TRIM8: variants seen among roughly 807,000 people sequenced by gnomAD.
TRIM8 encodes E3 ubiquitin-protein ligase TRIM8.
In TRIM8, 9 loss-of-function variants were observed where a neutral mutation model predicts 55.7. That is an observed-to-expected ratio of 0.16 (90% CI 0.10 to 0.28). The LOEUF is 0.28. Ranked by LOEUF, TRIM8 falls within the 10% of genes least tolerant of loss-of-function variation. The pLI, the probability that TRIM8 is intolerant of heterozygous loss-of-function variation, is 1.00. For missense variants in TRIM8, 556 were observed against 736.4 expected (o/e 0.76, Z 2.83); for synonymous variants, 335 against 333.3 (o/e 1.01, Z -0.06).
chr10:102,655,912 C>T (rs997144108), intron 3 of TRIM8, among the ~76,000 whole-genome samples, 194 bp from the exon 4 acceptor site: 3 of 152,214 alleles, frequency 2.0e-5, no homozygotes, highest in Non-Finnish European at 4.4e-5. Flanking sequence ...GCCTGGGTCA[C>T]GTGGCAAGAG....
At chr10:102,654,496 G>A in intron 1 of TRIM8, 157 bp from the exon 2 acceptor site, 1 of 674,830 alleles carries the variant, frequency 1.5e-6, no homozygotes, top group Non-Finnish European at 2.7e-6. Context: ...GCTGGGAATA[G>A]GCCCCTGGGA....
Position 102,656,019 on chromosome 10 carries a change from A to G in TRIM8, c.901-87A>G, listed in dbSNP as rs1283993236. 1.9e-6 allele frequency: 3 copies of G among 1,596,974 alleles called. No homozygotes were observed. Among genetic ancestry groups the G allele is most frequent in the South Asian group, 2.2e-5 (2 of 90,454 alleles). On this transcript the variant is annotated intron_variant, in intron 3 of 5. Transcript: ENST00000643721. The surrounding 1 kb of genome is among the most constrained non-coding windows in gnomAD (Gnocchi z 4.6). ...GATCCACCCAGCCTGGGGGAGGCTC[A>G]GGGGGGGCAGCTTTTGTCTTCCCCT... is the stretch of plus-strand genomic sequence containing the variant.
At chr10:102,650,218 C>G (rs1283187376) in intron 1 of TRIM8, among the ~76,000 whole-genome samples, 1 of 152,126 alleles carries the variant, frequency 6.6e-6, no homozygotes, top group Non-Finnish European at 1.5e-5. Flanking sequence ...ACCCGTCTGC[C>G]CAGTCTAGTC....
Position 102,645,145 on chromosome 10 carries a change from A to T in TRIM8, c.528A>T (p.Gly176=), listed in dbSNP as rs2063922984. The T allele has an allele frequency of 6.4e-6, 10 of 1,572,168 alleles. No homozygotes were observed. Among genetic ancestry groups the T allele is most frequent in the Admixed American group, 1.8e-5 (1 of 54,994 alleles). The change falls in exon 1 of 6, where the codon GGA becomes GGT. Residue 176 remains glycine (G), a synonymous_variant. Transcript: ENST00000643721. ...YCCYYSGAHQ[G]HSVCDVEIRR... is the part of the protein sequence containing the mutation. ...GCTACTACAGCGGCGCGCATCAGGGACACTCGGTGTGCGACGTGGAGATCC... is the reference window on the plus strand; with the variant it reads ...GCTACTACAGCGGCGCGCATCAGGGTCACTCGGTGTGCGACGTGGAGATCC...
Position 102,656,333 on chromosome 10 carries a change from C to A in TRIM8, c.996C>A (p.Leu332=). The A allele has an allele frequency of 6.2e-7, 1 of 1,614,116 alleles. No individual in the cohort carries two copies. The highest frequency in any genetic ancestry group is 8.5e-7 in the Non-Finnish European group (1 of 1,179,976). ...AGATCGGCCACCTGAACTCCAAGCTCTTCCTGAACGAAGTGGCCAAGAAGG... is the reference window on the plus strand; with the variant it reads ...AGATCGGCCACCTGAACTCCAAGCTATTCCTGAACGAAGTGGCCAAGAAGG... ...PTKIGHLNSK[L]FLNEVAKKEK... is the part of the protein sequence containing the mutation. The change falls in exon 5 of 6, where the codon CTC becomes CTA. Residue 332 remains leucine (L), a synonymous_variant. Coordinates refer to ENST00000643721, the MANE Select transcript of TRIM8 (RefSeq NM_030912.3). The surrounding 1 kb of genome is among the most constrained non-coding windows in gnomAD (Gnocchi z 4.6).
Position 102,645,079 on chromosome 10 carries a change from C to T in TRIM8, c.462C>T (p.Tyr154=), listed in dbSNP as rs900464890. ...CGCAGCACAACGCCTACCGCCTCTACCACTGCGAGGCCGAGCAGGTGGCCG... is the reference window on the plus strand; with the variant it reads ...CGCAGCACAACGCCTACCGCCTCTATCACTGCGAGGCCGAGCAGGTGGCCG... ...SCPQHNAYRL[Y]HCEAEQVAVC... The change falls in exon 1 of 6, where the codon TAC becomes TAT. Residue 154 remains tyrosine, a synonymous_variant. Transcript: ENST00000643721. The T allele has an allele frequency of 1.9e-6, 3 of 1,594,954 alleles. No homozygotes were observed. The highest frequency in any genetic ancestry group is 2.5e-6 in the Non-Finnish European group (3 of 1,178,292).
chr10:102,656,512 A>G lies in TRIM8; in HGVS notation c.1048+127A>G. 1.4e-6 allele frequency: 2 copies of G among 1,435,018 alleles called. No individual in the cohort carries two copies. Among genetic ancestry groups the G allele is most frequent in the Admixed American group, 2.4e-5 (1 of 41,368 alleles). 88.9% of individuals were successfully genotyped at this position (1,435,018 alleles called of 1,614,324 possible). A position where few individuals can be genotyped will look rare whatever the true frequency, so the allele number is the denominator to read the frequency against. On this transcript the variant is annotated intron_variant, in intron 5 of 5. Transcript: ENST00000643721. This position sits in a 1 kb window ranked among gnomAD's most constrained non-coding sequence, Gnocchi z 4.6. ...CCTGTCCTCATATCCAGGCTTTGCC[A>G]CTTGTAGCTGTGGGACAGTGGGTAA...
Position 102,657,440 on chromosome 10 carries a change from C to CCTTCCTCGCCTCCCCT in TRIM8, c.*94_*109dup. 4.2e-6 allele frequency: 6 copies of CCTTCCTCGCCTCCCCT among 1,438,368 alleles called. No homozygotes were observed. The South Asian group carries it at 8.5e-5, about 20-fold the overall frequency. The allele number at this position is 1,438,368 out of a possible 1,614,324, so 89.1% of individuals were successfully genotyped here. On this transcript the variant is annotated 3_prime_UTR_variant, in exon 6 of 6. Transcript: ENST00000643721. Reference sequence around the variant, plus strand: ...ATGCATCCAGAGACCTGCCCTTCTACCTTCCTCGCCTCCCCTCTTCCTCAT... The same window carrying CCTTCCTCGCCTCCCCT: ...ATGCATCCAGAGACCTGCCCTTCTACCTTCCTCGCCTCCCCTCTTCCTCGCCTCCCCTCTTCCTCAT...
At chr10:102,650,063 G>A (rs2063971820) in intron 1 of TRIM8, among the ~76,000 whole-genome samples, 1 of 148,680 alleles carries the variant, frequency 6.7e-6, no homozygotes, top group African/African-American at 2.5e-5. Flanking sequence ...AGCTAGCCAT[G>A]GTCTTGTCTG....
intron 1 of TRIM8, among the ~76,000 whole-genome samples, chr10:102,648,886 G>A (rs558532300): frequency 1.3e-5 from 2 of 152,186 alleles, no homozygotes; most frequent in Non-Finnish European, 2.9e-5. Flanking sequence ...TTTCTCCGTT[G>A]CCCGTGAAAG....
At chr10:102,655,461 C>T (rs1346758546) in intron 3 of TRIM8, 148 bp downstream of exon 3, 7 of 781,524 alleles carry the variant, frequency 9.0e-6, no homozygotes, top group Non-Finnish European at 1.5e-5. Context: ...CTTTCTAGCA[C>T]TGTGACCTTG....
In TRIM8 at chr10:102,657,013, C is replaced by G. The variant is rs765589935; in HGVS notation, c.1315C>G (p.Pro439Ala). Residue 439 changes from proline (P) to alanine (A), a missense_variant, in exon 6 of 6, where the codon CCC becomes GCC. Pro to Ala is a conservative substitution (Grantham distance 27). Coordinates refer to ENST00000643721, the MANE Select transcript of TRIM8 (RefSeq NM_030912.3). ...CGGCGCCCAACCAGTGCACTCAAGCCCCGTGTTCCCCCCATCGCAGTATCC... is the reference window on the plus strand; with the variant it reads ...CGGCGCCCAACCAGTGCACTCAAGCGCCGTGTTCCCCCCATCGCAGTATCC... ...PGGAQPVHSS[P>A]VFPPSQYPNG... is the part of the protein sequence containing the mutation. 5.0e-6 allele frequency: 8 copies of G among 1,612,630 alleles called. No homozygotes were observed. Among genetic ancestry groups the G allele is most frequent in the African/African-American group, 1.3e-5 (1 of 74,918 alleles).
Position 102,656,781 on chromosome 10 carries a change from T to C in TRIM8, c.1083T>C (p.Ser361=), listed in dbSNP as rs751033480. The change falls in exon 6 of 6, where the codon AGT becomes AGC. Residue 361 remains serine (S), a synonymous_variant. Coordinates refer to ENST00000643721, the MANE Select transcript of TRIM8 (RefSeq NM_030912.3). The surrounding 1 kb of genome is among the most constrained non-coding windows in gnomAD (Gnocchi z 4.6). ...GCACGCCGGTGCCCTTCCTGCAGAG[T>C]GTCCCCCTGTACCCTTGCGGCGTGA... The part of the protein sequence containing the change: ...PFSTPVPFLQ[S]VPLYPCGVSS... The C allele has an allele frequency of 2.0e-6, 3 of 1,513,676 alleles. No individual in the cohort carries two copies. The highest frequency in any genetic ancestry group is 2.7e-6 in the Non-Finnish European group (3 of 1,131,860). 93.8% of individuals were successfully genotyped at this position (1,513,676 alleles called of 1,614,324 possible).
intron 1 of TRIM8, among the ~76,000 whole-genome samples, chr10:102,649,848 G>A (rs2063966062): frequency 6.6e-6 from 1 of 152,200 alleles, no homozygotes; most frequent in Non-Finnish European, 1.5e-5. Flanking sequence ...AAGCTTTTCT[G>A]AGGAAAGGGG....
At chr10:102,651,135 G>A (rs1300230927) in intron 1 of TRIM8, among the ~76,000 whole-genome samples, 1 of 152,196 alleles carries the variant, frequency 6.6e-6, no homozygotes, top group African/African-American at 2.4e-5. Flanking sequence ...AACCCCTGCA[G>A]CAGAGACAGG....
Position 102,656,218 on chromosome 10 carries a change from G to C in TRIM8, c.933-52G>C. The C allele has an allele frequency of 6.2e-7, 1 of 1,614,060 alleles. No individual in the cohort carries two copies. The highest frequency in any genetic ancestry group is 8.5e-7 in the Non-Finnish European group (1 of 1,179,984). On this transcript the variant is annotated intron_variant, in intron 4 of 5. Transcript: ENST00000643721. This position sits in a 1 kb window ranked among gnomAD's most constrained non-coding sequence, Gnocchi z 4.6. Reference sequence around the variant, plus strand: ...CAGGCCCATGGCGGGGAGGTAGGGCGGGCTCACCGGTGATGCCTCCTCACA... The same window carrying C: ...CAGGCCCATGGCGGGGAGGTAGGGCCGGCTCACCGGTGATGCCTCCTCACA...
chr10:102,649,061 T>A (rs1425178276), intron 1 of TRIM8, among the ~76,000 whole-genome samples: 1 of 150,914 alleles, frequency 6.6e-6, no homozygotes, highest in East Asian at 2.0e-4. Context: ...TGTGCGTGCA[T>A]GTGTAGCCAG....
At chr10:102,653,042 G>A (rs11812273) in intron 1 of TRIM8, among the ~76,000 whole-genome samples, 8 of 152,140 alleles carry the variant, frequency 5.3e-5, no homozygotes, top group African/African-American at 1.4e-4. Context: ...CAGGTGATCC[G>A]CCTGCCTCGG....
chr10:102,645,449 G>T (rs1047881810), intron 1 of TRIM8: 2 of 391,562 alleles, frequency 5.1e-6, no homozygotes, highest in African/African-American at 4.2e-5. Context: ...GGGACCGTCA[G>T]GGGTAGAGTC....
Sources: gnomAD v4.1 joint callset for allele counts (sites outside exome capture counted in the v4.1 genomes callset) on GRCh38, gnomAD v4.1.1 for gene constraint, Gnocchi (gnomAD v3.1) non-coding constraint, MANE v1.5 for transcripts, NCBI Gene and HGNC (gene_info 2026-07-23, HGNC 2026-07-21) for gene names.